Variants in ARL14EP observed in about 807,000 individuals in gnomAD.
The protein encoded by ARL14EP is ARF like GTPase 14 effector protein, also known as ARL14 effector protein.
ARL14EP carries 12 observed loss-of-function variants against 23.1 expected under a neutral mutation model. The observed-to-expected ratio is 0.52, with a 90% CI of 0.33 to 0.84. ARL14EP has a LOEUF of 0.84. Ranked by LOEUF, ARL14EP falls within the 40% of genes least tolerant of loss-of-function variation. The pLI, the probability that ARL14EP is intolerant of heterozygous loss-of-function variation, is 0.02. For missense variants in ARL14EP, 253 were observed against 307.3 expected (o/e 0.82, Z 1.32); for synonymous variants, 97 against 102.0 (o/e 0.95, Z 0.29).
At chr11:30,324,552 G>C (rs1380947570) in intron 1 of ARL14EP, among the ~76,000 whole-genome samples, 2 of 149,794 alleles carry the variant, frequency 1.3e-5, no homozygotes, top group Admixed American at 6.7e-5. Flanking sequence ...TGTTAGTGGT[G>C]GGGGGGGTGT....
At chr11:30,325,335 T>C (rs1947228554) in intron 1 of ARL14EP, among the ~76,000 whole-genome samples, 1 of 152,148 alleles carries the variant, frequency 6.6e-6, no homozygotes, top group African/African-American at 2.4e-5. Context: ...AAATTCATAG[T>C]TGAAGCAAAA....
chr11:30,330,932 A>C lies in ARL14EP; in HGVS notation c.-17A>C. On this transcript the variant is annotated 5_prime_UTR_variant, in exon 2 of 4. Coordinates refer to ENST00000282032, the MANE Select transcript of ARL14EP (RefSeq NM_152316.3). ...ACCTCCAGACAAAATAAAACGGAAAATTTGCTAGAATCAAGAATGATGGAT... is the reference window on the plus strand; with the variant it reads ...ACCTCCAGACAAAATAAAACGGAAACTTTGCTAGAATCAAGAATGATGGAT... The C allele has an allele frequency of 6.2e-7, 1 of 1,613,328 alleles. No individual in the cohort carries two copies. Among genetic ancestry groups the C allele is most frequent in the South Asian group, 1.1e-5 (1 of 91,024 alleles).
At chr11:30,331,552 T>G in intron 2 of ARL14EP, 178 bp downstream of exon 2, 8 of 1,439,896 alleles carry the variant, frequency 5.6e-6, no homozygotes, top group Non-Finnish European at 7.2e-6. Context: ...AGGTCAAGAT[T>G]GGGGGATAAA....
chr11:30,330,447 T>C (rs904184330), intron 1 of ARL14EP: 1 of 156,300 alleles, frequency 6.4e-6, no homozygotes, highest in Non-Finnish European at 1.4e-5. Context: ...GCTGCATTTA[T>C]TTAGGGTACC....
At chr11:30,323,455 C>T (rs1002756090) in intron 1 of ARL14EP, among the ~76,000 whole-genome samples, 1 of 152,226 alleles carries the variant, frequency 6.6e-6, no homozygotes, top group African/African-American at 2.4e-5. Flanking sequence ...TGAGGGTCGT[C>T]GCCTGTCCTG....
At chr11:30,329,429 T>C (rs1223588542) in intron 1 of ARL14EP, 1 of 152,166 alleles carries the variant, frequency 6.6e-6, no homozygotes, top group South Asian at 2.1e-4. Context: ...TGTGCTCTTA[T>C]TGGAGATATT....
chr11:30,338,139 C>G lies in ARL14EP; in HGVS notation c.*1344C>G, dbSNP rs1947349032. 1 of 152,172 alleles carries G rather than the reference C, an allele frequency of 6.6e-6. No homozygotes were observed. The highest frequency in any genetic ancestry group is 2.4e-5 in the African/African-American group (1 of 41,452). The allele number at this position is 152,172 out of a possible 1,614,324, so 9.4% of individuals were successfully genotyped here. ...TAGAACCGACTAGTTGAGTATTAAA[C>G]TGTTTTGGAAATAATTTATATATCT... On this transcript the variant is annotated 3_prime_UTR_variant, in exon 4 of 4. Transcript: ENST00000282032.
chr11:30,331,514 G>A, intron 2 of ARL14EP, 140 bp downstream of exon 2: 4 of 1,493,910 alleles, frequency 2.7e-6, no homozygotes, highest in Non-Finnish European at 3.5e-6. Context: ...AGTGGATGAT[G>A]TTTCTAAATA....
intron 3 of ARL14EP, among the ~76,000 whole-genome samples, chr11:30,333,769 T>G (rs543331233): frequency 6.6e-6 from 1 of 152,154 alleles, no homozygotes; most frequent in African/African-American, 2.4e-5. Flanking sequence ...ATGATTAAGC[T>G]TGGGAGTAAG....
chr11:30,335,761 A>AATAT (rs71060445), intron 3 of ARL14EP, among the ~76,000 whole-genome samples: 1 of 129,888 alleles, frequency 7.7e-6, no homozygotes, highest in Non-Finnish European at 1.6e-5. Flanking sequence ...AAAGCAAAAA[A>AATAT]ATATATATAT....
rs1947286722 is a variant in ARL14EP, at chr11:30,331,780, T to C, written c.426+406T>C. On this transcript the variant is annotated intron_variant, in intron 2 of 3. Transcript: ENST00000282032. ...ATATGAAGGACTTGGAAATCACTGCTTTAAAAGGAACATTAGAGAGGTGAC... is the reference window on the plus strand; with the variant it reads ...ATATGAAGGACTTGGAAATCACTGCCTTAAAAGGAACATTAGAGAGGTGAC... The C allele has an allele frequency of 1.2e-5, 12 of 1,013,256 alleles. No individual in the cohort carries two copies. In the South Asian group the frequency reaches 5.0e-4, roughly 42 times the overall value. 62.8% of individuals were successfully genotyped at this position (1,013,256 alleles called of 1,614,324 possible).
Position 30,336,627 on chromosome 11 carries a change from G to A in ARL14EP, c.615G>A (p.Gly205=). The change falls in exon 4 of 4, where the codon GGG becomes GGA. Residue 205 remains glycine (G), a synonymous_variant. Coordinates refer to ENST00000282032, the MANE Select transcript of ARL14EP (RefSeq NM_152316.3). ...YDSQGLLIFS[G]MDLCDCLDED... ...GCCAGGGTCTCCTGATTTTTAGTGG[G>A]ATGGACCTCTGTGACTGCCTGGATG... is the stretch of plus-strand genomic sequence containing the variant. 2 of 1,614,066 alleles carry A rather than the reference G, an allele frequency of 1.2e-6. No homozygotes were observed. The highest frequency in any genetic ancestry group is 1.7e-6 in the Non-Finnish European group (2 of 1,180,004).
intron 1 of ARL14EP, chr11:30,328,333 A>T (rs1947257667): frequency 6.6e-6 from 1 of 152,094 alleles, no homozygotes; most frequent in South Asian, 2.1e-4. Context: ...AGATTTCACT[A>T]TGTTAGCCAG....
Position 30,336,460 on chromosome 11 carries a change from G to T in ARL14EP, c.555-107G>T, listed in dbSNP as rs1025297031. 7.9e-6 allele frequency: 8 copies of T among 1,018,838 alleles called. No homozygotes were observed. In the Admixed American group the frequency reaches 1.9e-4, roughly 24 times the overall value. 63.1% of individuals were successfully genotyped at this position (1,018,838 alleles called of 1,614,324 possible). On this transcript the variant is annotated intron_variant, in intron 3 of 3. Transcript: ENST00000282032. ...GATAAATTATAGATGATTTTGGCAT[G>T]ACCTCATCTAAAAATATTTTATCTC...
rs566447201 is a variant in ARL14EP at position 30,331,503 on chromosome 11, A to G, written c.426+129A>G. 1.9e-5 allele frequency: 28 copies of G among 1,510,014 alleles called. No homozygotes were observed. In the East Asian group the frequency reaches 5.9e-4, roughly 32 times the overall value. The allele number at this position is 1,510,014 out of a possible 1,614,324, so 93.5% of individuals were successfully genotyped here. On this transcript the variant is annotated intron_variant, in intron 2 of 3. Coordinates refer to ENST00000282032, the MANE Select transcript of ARL14EP (RefSeq NM_152316.3). ...TACAGTGAATTAAAAGGAGGGGTGA[A>G]AGTGGATGATGTTTCTAAATATTAT...
At chr11:30,329,191 T>A (rs1018092049) in intron 1 of ARL14EP, 2 of 152,220 alleles carry the variant, frequency 1.3e-5, no homozygotes, top group African/African-American at 4.8e-5. Context: ...CTTATCTTTT[T>A]AAATTTTACC....
At chr11:30,336,432 C>G (rs1947332397) in intron 3 of ARL14EP, 135 bp from the exon 4 acceptor site, 1 of 771,826 alleles carries the variant, frequency 1.3e-6, no homozygotes, top group Non-Finnish European at 2.1e-6. Flanking sequence ...AAGCCTTGAG[C>G]CTGATAAATT....
In ARL14EP at chr11:30,336,680, G is replaced by A. The variant is rs1947334942; in HGVS notation, c.668G>A (p.Cys223Tyr). Reference protein sequence around the residue: ...DEDCLGCFYACPACGSTKCGA... With the variant: ...DEDCLGCFYAYPACGSTKCGA... Reference sequence around the variant, plus strand: ...GACTGCTTAGGATGTTTCTATGCTTGTCCTGCCTGTGGTTCTACCAAGTGT... The same window carrying A: ...GACTGCTTAGGATGTTTCTATGCTTATCCTGCCTGTGGTTCTACCAAGTGT... The change falls in exon 4 of 4, where the codon TGT (cysteine) becomes TAT (tyrosine). Residue 223 changes from cysteine (C) to tyrosine (Y), a missense_variant. Cys to Tyr is a radical substitution (Grantham distance 194). Transcript: ENST00000282032. 1 of 1,614,030 alleles carries A rather than the reference G, an allele frequency of 6.2e-7. No individual in the cohort carries two copies. The highest frequency in any genetic ancestry group is 8.5e-7 in the Non-Finnish European group (1 of 1,180,042).
chr11:30,336,425 C>A, intron 3 of ARL14EP, 142 bp from the exon 4 acceptor site: 2 of 737,332 alleles, frequency 2.7e-6, no homozygotes, highest in Non-Finnish European at 4.5e-6. Flanking sequence ...ATAGAATAAG[C>A]CTTGAGCCTG....
Sources: gnomAD v4.1 joint callset for allele counts (sites outside exome capture counted in the v4.1 genomes callset) on GRCh38, gnomAD v4.1.1 for gene constraint, MANE v1.5 for transcripts, NCBI Gene and HGNC (gene_info 2026-07-23, HGNC 2026-07-21) for gene names.